The following RIMS2 variants were observed in gnomAD, a reference collection of about 807,000 sequenced individuals.
RIMS2 encodes the protein regulating synaptic membrane exocytosis 2, also known as regulating synaptic membrane exocytosis protein 2.
A neutral mutation model predicts 174.4 loss-of-function variants in RIMS2; 59 were observed. The ratio of observed to expected loss-of-function variants is 0.34; its 90% confidence interval spans 0.27 to 0.42. RIMS2 has a LOEUF of 0.42. Ranked by LOEUF, RIMS2 falls within the 10% of genes least tolerant of loss-of-function variation. RIMS2 has a pLI of 1.00. For missense variants in RIMS2, 1,620 were observed against 1,666.3 expected (o/e 0.97, Z 0.48); for synonymous variants, 606 against 572.5 (o/e 1.06, Z -0.84).
intron 1 of RIMS2, among the ~76,000 whole-genome samples, chr8:103,552,729 G>T (rs189662397): frequency 1.1e-3 from 171 of 152,250 alleles, no homozygotes; most frequent in Middle Eastern, 3.4e-3. Flanking sequence ...AATCTACAAA[G>T]AACTTAAACA....
chr8:103,925,632 C>T (rs1251033775), intron 10 of RIMS2, among the ~76,000 whole-genome samples: 1 of 150,970 alleles, frequency 6.6e-6, no homozygotes, highest in East Asian at 1.9e-4. Context: ...CATCAGGTCT[C>T]TCATGCTTAC....
At chr8:103,820,801 A>G (rs113353708) in intron 3 of RIMS2, among the ~76,000 whole-genome samples, 9 of 151,804 alleles carry the variant, frequency 5.9e-5, no homozygotes, top group African/African-American at 1.9e-4. Context: ...ATCAAACAGT[A>G]TATGAAATGT....
intron 19 of RIMS2, among the ~76,000 whole-genome samples, chr8:104,191,233 T>G (rs1270117369): frequency 2.0e-5 from 3 of 152,102 alleles, no homozygotes; most frequent in African/African-American, 7.2e-5. Flanking sequence ...GCCTATCATT[T>G]TAAGTCTTAG....
chr8:103,653,560 T>G (rs991698375), intron 1 of RIMS2, among the ~76,000 whole-genome samples: 2 of 152,110 alleles, frequency 1.3e-5, no homozygotes, highest in African/African-American at 4.8e-5. Context: ...ATGGACAAGT[T>G]GACAAGTGAC....
intron 1 of RIMS2, among the ~76,000 whole-genome samples, chr8:103,617,730 T>C (rs917262162): frequency 2.0e-5 from 3 of 152,180 alleles, no homozygotes; most frequent in South Asian, 4.1e-4. Flanking sequence ...AAGATGTATA[T>C]GCGGTCAACA....
intron 16 of RIMS2, among the ~76,000 whole-genome samples, chr8:103,987,970 A>G (rs764328442): frequency 1.3e-5 from 2 of 152,334 alleles, no homozygotes; most frequent in East Asian, 1.9e-4. Context: ...ATTACTTCCT[A>G]TAATAAAGAT....
intron 1 of RIMS2, among the ~76,000 whole-genome samples, chr8:103,585,709 C>T (rs1237847067): frequency 6.6e-6 from 1 of 151,262 alleles, no homozygotes. Flanking sequence ...AGGGGAACGT[C>T]ACACACTAGG....
chr8:104,205,684 A>G (rs1249511807), intron 19 of RIMS2, among the ~76,000 whole-genome samples: 3 of 152,140 alleles, frequency 2.0e-5, no homozygotes, highest in Non-Finnish European at 4.4e-5. Context: ...GGTCAATCAA[A>G]GTCTCTGCAG....
chr8:104,018,444 A>G (rs1432788227), intron 19 of RIMS2, among the ~76,000 whole-genome samples: 1 of 152,240 alleles, frequency 6.6e-6, no homozygotes, highest in Non-Finnish European at 1.5e-5. Context: ...ATGAATGGGT[A>G]TTACTTAAGC....
At chr8:103,991,979 A>G (rs1233692065) in intron 17 of RIMS2, among the ~76,000 whole-genome samples, 1 of 152,216 alleles carries the variant, frequency 6.6e-6, no homozygotes, top group African/African-American at 2.4e-5. Context: ...AGGTATTGAA[A>G]ATACGTGCTT....
intron 2 of RIMS2, among the ~76,000 whole-genome samples, chr8:103,727,047 A>T (rs912102317): frequency 1.2e-4 from 18 of 151,596 alleles, no homozygotes; most frequent in Non-Finnish European, 2.4e-4. Flanking sequence ...AATTTTATGT[A>T]TTTCTTAATA....
intron 1 of RIMS2, among the ~76,000 whole-genome samples, chr8:103,502,263 T>A (rs1402858536): frequency 1.3e-5 from 2 of 152,220 alleles, no homozygotes; most frequent in Non-Finnish European, 2.9e-5. Flanking sequence ...GTTGTTGAAT[T>A]TAGTAGTCTT....
At chr8:104,173,433 C>A (rs1020667362) in intron 19 of RIMS2, among the ~76,000 whole-genome samples, 5 of 152,078 alleles carry the variant, frequency 3.3e-5, no homozygotes, top group African/African-American at 1.2e-4. Flanking sequence ...TATAGGATAA[C>A]AATGACTCTA....
chr8:103,752,268 C>T (rs911342563), intron 2 of RIMS2, among the ~76,000 whole-genome samples: 52 of 151,886 alleles, frequency 3.4e-4, no homozygotes, highest in Non-Finnish European at 6.9e-4. Flanking sequence ...TGTAGATATG[C>T]AGCGTTATTT....
At chr8:104,201,739 T>C (rs1292520146) in intron 19 of RIMS2, among the ~76,000 whole-genome samples, 1 of 152,196 alleles carries the variant, frequency 6.6e-6, no homozygotes, top group Non-Finnish European at 1.5e-5. Flanking sequence ...CTATTTTCTT[T>C]GGTGATTTGA....
intron 3 of RIMS2, among the ~76,000 whole-genome samples, chr8:103,770,977 T>A (rs1013743974): frequency 1.3e-5 from 2 of 152,250 alleles, no homozygotes; most frequent in Non-Finnish European, 2.9e-5. Context: ...TATGGACTTA[T>A]AACTATATTT....
chr8:103,722,016 G>A (rs1408658314), intron 2 of RIMS2, among the ~76,000 whole-genome samples: 1 of 152,134 alleles, frequency 6.6e-6, no homozygotes, highest in South Asian at 2.1e-4. Flanking sequence ...ATTTTATGAA[G>A]ATATTGAATT....
At chr8:104,097,723 T>C (rs1444614191) in intron 19 of RIMS2, among the ~76,000 whole-genome samples, 1 of 152,180 alleles carries the variant, frequency 6.6e-6, no homozygotes, top group African/African-American at 2.4e-5. Context: ...TTGGAGCAGT[T>C]AGGATTTTGG....
rs556858030 is a variant in RIMS2, at chr8:104,244,615, A to C, written c.3335-301A>C. 2.0e-5 allele frequency among the ~76,000 whole-genome samples: 3 copies of C among 152,324 alleles called. No homozygotes were observed. In the East Asian group the frequency reaches 5.8e-4, roughly 29 times the overall value. ...GCATTTAAGTATTACAATGAAAATA[A>C]GGCTTATTTTTTTTCCTTAGGTTGA... On this transcript the variant is annotated intron_variant, in intron 19 of 23. Coordinates refer to ENST00000504942, the Ensembl canonical transcript of RIMS2.
Sources: gnomAD v4.1 joint callset for allele counts (sites outside exome capture counted in the v4.1 genomes callset) on GRCh38, gnomAD v4.1.1 for gene constraint, MANE v1.5 for transcripts, NCBI Gene and HGNC (gene_info 2026-07-23, HGNC 2026-07-21) for gene names.